RFX1: variants seen among roughly 807,000 people sequenced by gnomAD.
RFX1 encodes MHC class II regulatory factor RFX1.
In RFX1, 42 loss-of-function variants were observed where a neutral mutation model predicts 119.6. The ratio of observed to expected loss-of-function variants is 0.35; its 90% confidence interval spans 0.27 to 0.45. RFX1 has a LOEUF of 0.45. RFX1 is among the 20% of genes least tolerant of loss of function. The probability of loss-of-function intolerance (pLI) is 1.00; values close to 1 mark genes in which losing one functional copy is unlikely to be tolerated. For missense variants in RFX1, 1,118 were observed against 1,368.1 expected, an observed-to-expected ratio of 0.82 and a Z score of 2.88; for synonymous variants, 628 against 618.5, an observed-to-expected ratio of 1.02 and a Z score of -0.23.
intron 1 of RFX1, among the ~76,000 whole-genome samples, chr19:14,002,092 C>A (rs561758824): frequency 6.6e-6 from 1 of 150,762 alleles, no homozygotes; most frequent in Admixed American, 6.6e-5. Context: ...GCCAAGATTG[C>A]GCCATTGCAT....
intron 20 of RFX1, 51 bp downstream of exon 20, chr19:13,962,943 T>C: frequency 6.5e-7 from 1 of 1,547,608 alleles, no homozygotes; most frequent in Non-Finnish European, 8.7e-7. Flanking sequence ...GCCCCTCCGT[T>C]GTCCGCCACC....
At position 13,969,877 on chromosome 19, in the gene RFX1, G is replaced by A. The variant is rs28569819; in HGVS notation, c.1496+117C>T. ...GTGAGCGGGGCTGTCGAGGAGCCTC[G>A]CAGAGGCCGGCGGGACTGGGCTGGA... On this transcript the variant is annotated intron_variant, in intron 10 of 20. Coordinates refer to ENST00000254325, the MANE Select transcript of RFX1 (RefSeq NM_002918.5). The surrounding 1 kb of genome is among the most constrained non-coding windows in gnomAD (Gnocchi z 4.5). The A allele has an allele frequency of 8.7e-3, 9,289 of 1,069,424 alleles. 549 individuals carry two copies. In the African/African-American group the frequency reaches 0.13, roughly 15 times the overall value. The allele number at this position is 1,069,424 out of a possible 1,614,324, so 66.2% of individuals were successfully genotyped here.
Position 13,980,808 on chromosome 19 carries a change from C to G in RFX1, c.622-119G>C. 1 of 599,568 alleles carries G rather than the reference C, an allele frequency of 1.7e-6. No individual in the cohort carries two copies. Among genetic ancestry groups the G allele is most frequent in the Non-Finnish European group, 2.9e-6 (1 of 340,304 alleles). 37.1% of individuals were successfully genotyped at this position (599,568 alleles called of 1,614,324 possible). ...TGGGGAGGGCGGCAGTCTGTGGGGA[C>G]CTATCCCAACCACCGAGGCTGGTAA... is the stretch of plus-strand genomic sequence containing the variant. On this transcript the variant is annotated intron_variant, in intron 5 of 20. Coordinates refer to ENST00000254325, the MANE Select transcript of RFX1 (RefSeq NM_002918.5). This position sits in a 1 kb window ranked among gnomAD's most constrained non-coding sequence, Gnocchi z 5.1.
chr19:14,004,314 C>A (rs887336986), intron 1 of RFX1, among the ~76,000 whole-genome samples: 1 of 152,146 alleles, frequency 6.6e-6, no homozygotes, highest in African/African-American at 2.4e-5. Flanking sequence ...TCAAGACCAT[C>A]CTGACCAACA....
At chr19:13,972,643 C>T in intron 9 of RFX1, 100 bp downstream of exon 9, 2 of 848,600 alleles carry the variant, frequency 2.4e-6, no homozygotes, top group East Asian at 5.3e-5. Flanking sequence ...CACACAGGCT[C>T]CTGCTAGCGG....
intron 1 of RFX1, among the ~76,000 whole-genome samples, chr19:14,004,496 G>C (rs1287413915): frequency 6.6e-6 from 1 of 151,892 alleles, no homozygotes; most frequent in Non-Finnish European, 1.5e-5. Context: ...CACAGAGTGA[G>C]ACTCCGTCTC....
rs1973855837 is a variant in RFX1, at chr19:13,965,279, T to C, written c.2211+170A>G. 2.6e-5 allele frequency among the ~76,000 whole-genome samples: 4 copies of C among 152,090 alleles called. No individual in the cohort carries two copies. Among genetic ancestry groups the C allele is most frequent in the Non-Finnish European group, 4.4e-5 (3 of 68,016 alleles). ...GAAGTGGGTGCCTGAGGACACTGGT[T>C]TATAAAGACAATGCCCAGGGTGCTC... On this transcript the variant is annotated intron_variant, in intron 16 of 20. Transcript: ENST00000254325. The surrounding 1 kb of genome is among the most constrained non-coding windows in gnomAD (Gnocchi z 4.7).
upstream of RFX1, chr19:14,006,588 G>A (rs1037907593): frequency 6.6e-6 from 1 of 152,232 alleles, no homozygotes; most frequent in Non-Finnish European, 1.5e-5. Context: ...CGTGAGGACG[G>A]GATTGGTTTG....
At chr19:13,997,063 G>GT (rs146951884) in intron 1 of RFX1, among the ~76,000 whole-genome samples, 9,671 of 152,158 alleles carry the variant, frequency 0.064, 1,052 homozygotes, top group African/African-American at 0.22. Context: ...CATCTTGCCG[G>GT]TCTTCCAACA....
chr19:13,962,999 T>C lies in RFX1; in HGVS notation c.2765A>G (p.Asp922Gly). Reference sequence around the variant, plus strand: ...TGGGAACACGCCTCGCCTACCTTTGTCGGGGTCCAGGGGGTTCAGGGAGGT... The same window carrying C: ...TGGGAACACGCCTCGCCTACCTTTGCCGGGGTCCAGGGGGTTCAGGGAGGT... ...LATSLNPLDP[D>G]KDEEEEEEEE... is the part of the protein sequence containing the mutation. Residue 922 changes from aspartate to glycine, a missense_variant, in exon 20 of 21, where the codon GAC becomes GGC. Asp to Gly is a moderately conservative substitution (Grantham distance 94). Transcript: ENST00000254325. The C allele has an allele frequency of 6.4e-7, 1 of 1,551,306 alleles. No homozygotes were observed. Among genetic ancestry groups the C allele is most frequent in the South Asian group, 1.2e-5 (1 of 84,380 alleles).
chr19:13,978,179 G>C (rs1974310782), intron 7 of RFX1, 93 bp from the exon 8 acceptor site: 18 of 885,984 alleles, frequency 2.0e-5, no homozygotes, highest in Admixed American at 4.4e-5. Context: ...GGCTATCCCT[G>C]ACGCCCAGCT....
intron 8 of RFX1, among the ~76,000 whole-genome samples, chr19:13,973,777 T>C (rs1974167430): frequency 6.6e-6 from 1 of 152,124 alleles, no homozygotes. Flanking sequence ...AATACAGGGC[T>C]CACCACCACA....
chr19:13,963,321 G>GACCCCCTC, intron 18 of RFX1, 46 bp from the exon 19 acceptor site: 1 of 1,565,944 alleles, frequency 6.4e-7, no homozygotes. Flanking sequence ...CGTCCGGCCC[G>GACCCCCTC]ACCCCCTCTC....
Position 13,962,502 on chromosome 19 carries a change from T to G in RFX1, c.*193A>C. On this transcript the variant is annotated 3_prime_UTR_variant, in exon 21 of 21. Transcript: ENST00000254325. Reference sequence around the variant, plus strand: ...TAAGGCACGTCTTTTGTGTCAGAGTTTGCAGCTGCGGCTCCGCCCAGCCCA... The same window carrying G: ...TAAGGCACGTCTTTTGTGTCAGAGTGTGCAGCTGCGGCTCCGCCCAGCCCA... The G allele has an allele frequency of 1.8e-6, 1 of 552,218 alleles. No homozygotes were observed. Among genetic ancestry groups the G allele is most frequent in the Non-Finnish European group, 3.1e-6 (1 of 319,344 alleles). The allele number at this position is 552,218 out of a possible 1,614,324, so 34.2% of individuals were successfully genotyped here. A position where few individuals can be genotyped will look rare whatever the true frequency, so the allele number is the denominator to read the frequency against.
At position 13,966,561 on chromosome 19, in the gene RFX1, G is replaced by T. The variant is rs772725612; in HGVS notation, c.1852-31C>A. ...GCAGAGGCGGATGCTCAGGGAGGCT[G>T]GGGGGCAGCATGGCCCTCCCATGCC... On this transcript the variant is annotated intron_variant, in intron 13 of 20. Coordinates refer to ENST00000254325, the MANE Select transcript of RFX1 (RefSeq NM_002918.5). This position sits in a 1 kb window ranked among gnomAD's most constrained non-coding sequence, Gnocchi z 6.3. 6.5e-6 allele frequency: 10 copies of T among 1,531,632 alleles called. No individual in the cohort carries two copies. The Admixed American group carries it at 1.7e-4, about 26-fold the overall frequency. 94.9% of individuals were successfully genotyped at this position (1,531,632 alleles called of 1,614,324 possible).
Position 13,980,840 on chromosome 19 carries a change from G to A in RFX1, c.622-151C>T, listed in dbSNP as rs542736582. 17 of 576,224 alleles carry A rather than the reference G, an allele frequency of 3.0e-5. No individual in the cohort carries two copies. The highest frequency in any genetic ancestry group is 2.1e-4 in the African/African-American group (11 of 52,926). The allele number at this position is 576,224 out of a possible 1,614,324, so 35.7% of individuals were successfully genotyped here. A position where few individuals can be genotyped will look rare whatever the true frequency, so the allele number is the denominator to read the frequency against. On this transcript the variant is annotated intron_variant, in intron 5 of 20. Coordinates refer to ENST00000254325, the MANE Select transcript of RFX1 (RefSeq NM_002918.5). The surrounding 1 kb of genome is among the most constrained non-coding windows in gnomAD (Gnocchi z 5.1). The stretch of plus-strand genomic sequence containing the variant: ...CAACCACCGAGGCTGGTAACTGACC[G>A]CGTCCCACGCATCCAAATGCCTACT...
Position 13,969,895 on chromosome 19 carries a change from G to T in RFX1, c.1496+99C>A. ...GAGCCTCGCAGAGGCCGGCGGGACT[G>T]GGCTGGACTGGACTGCCTGAGATGA... On this transcript the variant is annotated intron_variant, in intron 10 of 20. Coordinates refer to ENST00000254325, the MANE Select transcript of RFX1 (RefSeq NM_002918.5). This position sits in a 1 kb window ranked among gnomAD's most constrained non-coding sequence, Gnocchi z 4.5. The T allele has an allele frequency of 1.6e-6, 2 of 1,268,380 alleles. No homozygotes were observed. Among genetic ancestry groups the T allele is most frequent in the Non-Finnish European group, 2.2e-6 (2 of 922,030 alleles). The allele number at this position is 1,268,380 out of a possible 1,614,324, so 78.6% of individuals were successfully genotyped here. A position where few individuals can be genotyped will look rare whatever the true frequency, so the allele number is the denominator to read the frequency against.
At position 13,965,594 on chromosome 19, in the gene RFX1, G is replaced by A. The variant is rs557073228; in HGVS notation, c.2113+32C>T. The A allele has an allele frequency of 2.5e-6, 4 of 1,612,524 alleles. No individual in the cohort carries two copies. The highest frequency in any genetic ancestry group is 4.5e-5 in the East Asian group (2 of 44,864). ...GTCAGGGCAGGGCGGGTGTATGTGG[G>A]GCAGGGGATGCCGAGCAGGCCGAGC... On this transcript the variant is annotated intron_variant, in intron 15 of 20. Coordinates refer to ENST00000254325, the MANE Select transcript of RFX1 (RefSeq NM_002918.5). This position sits in a 1 kb window ranked among gnomAD's most constrained non-coding sequence, Gnocchi z 4.7.
chr19:13,993,666 T>C lies in RFX1; in HGVS notation c.178A>G (p.Ser60Gly). 2 of 1,596,128 alleles carry C rather than the reference T, an allele frequency of 1.3e-6. No individual in the cohort carries two copies. Among genetic ancestry groups the C allele is most frequent in the Non-Finnish European group, 1.7e-6 (2 of 1,170,706 alleles). The change falls in exon 2 of 21, where the codon AGC becomes GGC. Residue 60 changes from serine (S) to glycine (G), a missense_variant. By Grantham distance (56) the Ser-to-Gly change is moderately conservative (BLOSUM62 0). Coordinates refer to ENST00000254325, the MANE Select transcript of RFX1 (RefSeq NM_002918.5). ...PQPQYVTELQ[S>G]PQPQAQPPGG... ...GGTGGCTGTGCCTGGGGCTGGGGGCTCTGCAGCTCGGTGACATATTGGGGC... is the reference window on the plus strand; with the variant it reads ...GGTGGCTGTGCCTGGGGCTGGGGGCCCTGCAGCTCGGTGACATATTGGGGC...
Sources: allele counts gnomAD v4.1 joint callset (sites outside exome capture counted in the v4.1 genomes callset), GRCh38; gene constraint gnomAD v4.1.1; non-coding constraint Gnocchi (gnomAD v3.1); transcripts MANE v1.5; gene names NCBI Gene and HGNC (gene_info 2026-07-23, HGNC 2026-07-21).